The following XKR6 variants were observed in gnomAD, a reference collection of about 807,000 sequenced individuals.
XKR6 encodes XK-related protein 6.
In XKR6, 22 loss-of-function variants were observed where a neutral mutation model predicts 56.7. The ratio of observed to expected loss-of-function variants is 0.39; its 90% CI spans 0.28 to 0.55. The LOEUF is 0.55. Among genes scored for constraint, XKR6 ranks in the 20% least tolerant of loss-of-function variants. XKR6 has a pLI of 0.66. For synonymous variants in XKR6, 524 were observed against 387.8 expected (o/e 1.35, Z -4.13); for missense variants, 852 against 889.0 (o/e 0.96, Z 0.53).
intron 1 of XKR6, among the ~76,000 whole-genome samples, chr8:11,171,899 A>C (rs1220019433): frequency 2.0e-5 from 3 of 151,970 alleles, no homozygotes; most frequent in Non-Finnish European, 4.4e-5. Flanking sequence ...CCAAAAATAC[A>C]AAACTTAGCC....
At position 11,004,269 on chromosome 8, in the gene XKR6, C is replaced by T. The variant is rs563341808; in HGVS notation, c.765-79439G>A. ...CAGGTGGATCATGAGGTCAGGAGTT[C>T]GAGACCAGCCTGACAAACATGGTGA... is the stretch of plus-strand genomic sequence containing the variant. On this transcript the variant is annotated intron_variant, in intron 1 of 2. Coordinates refer to ENST00000416569, the MANE Select transcript of XKR6 (RefSeq NM_173683.4). 5.9e-5 allele frequency among the ~76,000 whole-genome samples: 9 copies of T among 152,128 alleles called. No individual in the cohort carries two copies. The South Asian group carries it at 1.0e-3, about 18-fold the overall frequency.
At chr8:10,931,876 G>T (rs957094874) in intron 1 of XKR6, among the ~76,000 whole-genome samples, 3 of 151,906 alleles carry the variant, frequency 2.0e-5, no homozygotes, top group Non-Finnish European at 4.4e-5. Context: ...CTTTTGCTCT[G>T]TGAATGACAT....
intron 1 of XKR6, among the ~76,000 whole-genome samples, chr8:10,925,049 C>A (rs892556000): frequency 5.8e-4 from 89 of 152,188 alleles, no homozygotes; most frequent in African/African-American, 2.1e-3. Context: ...AGGATTTGAC[C>A]CCTCGTGGAC....
intron 1 of XKR6, among the ~76,000 whole-genome samples, chr8:10,938,676 C>T (rs113156558): frequency 7.3e-4 from 111 of 152,130 alleles, no homozygotes; most frequent in African/African-American, 2.7e-3. Context: ...TTGGTAGTTC[C>T]CAGGGAGTGA....
At chr8:11,043,219 G>GA (rs1183424768) in intron 1 of XKR6, among the ~76,000 whole-genome samples, 2 of 146,144 alleles carry the variant, frequency 1.4e-5, no homozygotes, top group African/African-American at 5.0e-5. Context: ...TGAAGAGGAA[G>GA]AGAAAAAAAA....
intron 1 of XKR6, among the ~76,000 whole-genome samples, chr8:11,085,419 T>C (rs17152841): frequency 0.28 from 43,108 of 152,012 alleles, 6,731 homozygotes; most frequent in African/African-American, 0.38. Flanking sequence ...GCCAAGTGTA[T>C]GCTTGTCAGA....
At chr8:11,130,164 A>C (rs956430163) in intron 1 of XKR6, among the ~76,000 whole-genome samples, 3 of 152,062 alleles carry the variant, frequency 2.0e-5, no homozygotes, top group Non-Finnish European at 4.4e-5. Flanking sequence ...AAATAACACT[A>C]TTTTGTGGCT....
chr8:11,035,226 A>T (rs1326305641), intron 1 of XKR6: 1 of 534,740 alleles, frequency 1.9e-6, no homozygotes, highest in Admixed American at 1.9e-5. Context: ...GATGATGACG[A>T]TGACAACGAT....
At chr8:11,068,700 C>A (rs1032173947) in intron 1 of XKR6, among the ~76,000 whole-genome samples, 1 of 152,190 alleles carries the variant, frequency 6.6e-6, no homozygotes, top group African/African-American at 2.4e-5. Context: ...CAGAGAGAGG[C>A]TTCCCAGGAA....
At chr8:11,077,834 T>A (rs1055592732) in intron 1 of XKR6, among the ~76,000 whole-genome samples, 4 of 152,162 alleles carry the variant, frequency 2.6e-5, no homozygotes, top group Non-Finnish European at 5.9e-5. Context: ...GCTGCTGTAG[T>A]CACAAGAGGG....
chr8:11,096,162 C>G (rs1368395344), intron 1 of XKR6, among the ~76,000 whole-genome samples: 1 of 152,204 alleles, frequency 6.6e-6, no homozygotes, highest in Non-Finnish European at 1.5e-5. Context: ...TTCCACTTCT[C>G]AGTATTTACC....
At chr8:11,113,348 A>G (rs547267080) in intron 1 of XKR6, among the ~76,000 whole-genome samples, 2 of 152,314 alleles carry the variant, frequency 1.3e-5, no homozygotes, top group Non-Finnish European at 2.9e-5. Flanking sequence ...GACATGGTCC[A>G]TCAGAATACA....
At chr8:11,125,599 A>C (rs1799736277) in intron 1 of XKR6, among the ~76,000 whole-genome samples, 1 of 152,156 alleles carries the variant, frequency 6.6e-6, no homozygotes, top group South Asian at 2.1e-4. Context: ...TATACACTCT[A>C]ACTGAAATAC....
chr8:11,112,826 A>C (rs1419077169), intron 1 of XKR6, among the ~76,000 whole-genome samples: 2 of 152,228 alleles, frequency 1.3e-5, no homozygotes, highest in Non-Finnish European at 2.9e-5. Context: ...GTGTATGTGA[A>C]TAATTCTCCC....
At chr8:10,904,682 T>C (rs1800135151) in intron 2 of XKR6, among the ~76,000 whole-genome samples, 1 of 152,036 alleles carries the variant, frequency 6.6e-6, no homozygotes, top group Non-Finnish European at 1.5e-5. Flanking sequence ...GGGGCCAGCA[T>C]ATGGGAGCCC....
chr8:11,006,979 G>A (rs146264023), intron 1 of XKR6, among the ~76,000 whole-genome samples: 27 of 152,266 alleles, frequency 1.8e-4, no homozygotes, highest in Middle Eastern at 3.4e-3. Context: ...AATGATTAGC[G>A]TAGGGACAGA....
chr8:11,015,555 C>G (rs1798599600), intron 1 of XKR6, among the ~76,000 whole-genome samples: 1 of 152,072 alleles, frequency 6.6e-6, no homozygotes, highest in African/African-American at 2.4e-5. Flanking sequence ...GCAGAGAAAG[C>G]CGGCCAGGTC....
chr8:10,966,528 G>C (rs1264746196), intron 1 of XKR6, among the ~76,000 whole-genome samples: 1 of 152,100 alleles, frequency 6.6e-6, no homozygotes, highest in African/African-American at 2.4e-5. Flanking sequence ...AAAAAAATTA[G>C]CCTGGCGTGG....
At chr8:11,199,993 T>C (rs1804112486) in intron 1 of XKR6, among the ~76,000 whole-genome samples, 1 of 152,166 alleles carries the variant, frequency 6.6e-6, no homozygotes, top group Non-Finnish European at 1.5e-5. Context: ...AAAGTCTTTT[T>C]TCCTTCTGGG....
Sources: gnomAD v4.1 joint callset for allele counts (sites outside exome capture counted in the v4.1 genomes callset) on GRCh38, gnomAD v4.1.1 for gene constraint, MANE v1.5 for transcripts, NCBI Gene and HGNC (gene_info 2026-07-23, HGNC 2026-07-21) for gene names.